The following DET1 variants were observed in gnomAD, a reference collection of about 807,000 sequenced individuals.
The protein encoded by DET1 is DET1 homolog.
Under a neutral mutation model 43.7 loss-of-function variants are expected in DET1, and 22 were observed. The observed-to-expected ratio is 0.50, with a 90% CI of 0.36 to 0.72. The LOEUF is 0.72. Among genes scored for constraint, DET1 ranks in the 30% least tolerant of loss-of-function variants. The pLI is 0.00. For missense variants in DET1, 713 were observed against 713.3 expected, an observed-to-expected ratio of 1.00 and a Z score of 0.00; for synonymous variants, 315 against 266.2, an observed-to-expected ratio of 1.18 and a Z score of -1.79.
intron 1 of DET1, among the ~76,000 whole-genome samples, chr15:88,539,771 T>G (rs2057055039): frequency 6.6e-6 from 1 of 152,216 alleles, no homozygotes; most frequent in Non-Finnish European, 1.5e-5. Flanking sequence ...TTCATCTGAT[T>G]GAAATCTCTG....
Position 88,531,038 on chromosome 15 carries a change from T to C in DET1, c.668A>G (p.Tyr223Cys). 1 of 1,613,680 alleles carries C rather than the reference T, an allele frequency of 6.2e-7. No homozygotes were observed. Among genetic ancestry groups the C allele is most frequent in the Non-Finnish European group, 8.5e-7 (1 of 1,179,726 alleles). Residue 223 changes from tyrosine (Y) to cysteine (C), a missense_variant, in exon 2 of 5, where the codon TAC becomes TGC. By Grantham distance (194) the Tyr-to-Cys change is radical. Coordinates refer to ENST00000268148, the MANE Select transcript of DET1 (RefSeq NM_001144074.3). The surrounding 1 kb of genome is among the most constrained non-coding windows in gnomAD (Gnocchi z 6.2). ...KVVLSHNQGLYLYKNILAILS... is the reference protein window; with the variant it reads ...KVVLSHNQGLCLYKNILAILS... ...GATGGCCAGGATGTTTTTGTACAAGTACAGCCCTTGGTTGTGTGACAAGAC... is the reference window on the plus strand; with the variant it reads ...GATGGCCAGGATGTTTTTGTACAAGCACAGCCCTTGGTTGTGTGACAAGAC...
chr15:88,539,339 G>A (rs1001967185), intron 1 of DET1, among the ~76,000 whole-genome samples: 1 of 151,734 alleles, frequency 6.6e-6, no homozygotes, highest in Non-Finnish European at 1.5e-5. Context: ...TCCAAGCCGG[G>A]GGTTTATACC....
upstream of DET1, chr15:88,546,687 C>G (rs1473529082): frequency 6.6e-6 from 1 of 152,312 alleles, no homozygotes; most frequent in Non-Finnish European, 1.5e-5. Context: ...GAACTGCGGC[C>G]CAGCAAAAAG....
rs146690592 is a variant in DET1 at position 88,507,135 on chromosome 15, C to T, written c.*2066-3148G>A. On this transcript the variant is annotated intron_variant and NMD_transcript_variant, in intron 7 of 8. Transcript: ENST00000557842. ...GCTCTCCTTCAGCTGTTGGAGTGCCCCAGTGCCTTGGATCCTCACCTCTTT... is the reference window on the plus strand; with the variant it reads ...GCTCTCCTTCAGCTGTTGGAGTGCCTCAGTGCCTTGGATCCTCACCTCTTT... Among the ~76,000 whole-genome samples, 166 of 152,256 alleles carry T rather than the reference C, an allele frequency of 1.1e-3. 1 individual carries two copies. The highest frequency in any genetic ancestry group is 3.4e-3 in the Middle Eastern group (1 of 294).
intron 1 of DET1, among the ~76,000 whole-genome samples, chr15:88,540,399 G>A (rs1353412219): frequency 6.6e-6 from 1 of 151,896 alleles, no homozygotes; most frequent in Non-Finnish European, 1.5e-5. Flanking sequence ...AGCCCCCCAG[G>A]GAGTGAGTTT....
intron 3 of DET1, among the ~76,000 whole-genome samples, chr15:88,525,436 A>T (rs1231113169): frequency 6.6e-6 from 1 of 152,208 alleles, no homozygotes; most frequent in Admixed American, 6.5e-5. Flanking sequence ...ATTTTGTTTA[A>T]TTCCAGATGT....
In DET1 at chr15:88,541,114, GAT is replaced by G. The variant is rs1289695940; in HGVS notation, c.-11+5424_-11+5425del. Among the ~76,000 whole-genome samples the G allele has an allele frequency of 8.8e-5, 9 of 102,210 alleles. No homozygotes were observed. In the South Asian group the frequency reaches 1.3e-3, roughly 14 times the overall value. The allele number at this position is 102,210 out of a possible 152,430, so 67.1% of individuals were successfully genotyped here. A position where few individuals can be genotyped will look rare whatever the true frequency, so the allele number is the denominator to read the frequency against. On this transcript the variant is annotated intron_variant, in intron 1 of 4. Coordinates refer to ENST00000268148, the MANE Select transcript of DET1 (RefSeq NM_001144074.3). ...CCCGATTGTATGCTCCATCTACTGA[GAT>G]AGGGAAAAACCGCCTTAGGGCTGGA... is the stretch of plus-strand genomic sequence containing the variant.
In DET1 at chr15:88,532,728, GA is replaced by G. The variant is rs368309856; in HGVS notation, c.-10-1014del. Among the ~76,000 whole-genome samples the G allele has an allele frequency of 1.3e-3, 191 of 152,252 alleles. 2 individuals are homozygous for G. The highest frequency in any genetic ancestry group is 4.0e-3 in the African/African-American group (166 of 41,554). The stretch of plus-strand genomic sequence containing the variant: ...TTCAACAAATGGTGTTGGGAAAACT[GA>G]ATAGCCACATGCAAAAGAATGAAGT... On this transcript the variant is annotated intron_variant, in intron 1 of 4. Transcript: ENST00000268148.
intron 1 of DET1, among the ~76,000 whole-genome samples, chr15:88,543,237 G>T (rs549660749): frequency 6.6e-6 from 1 of 152,304 alleles, no homozygotes; most frequent in African/African-American, 2.4e-5. Context: ...TATCTAAGAG[G>T]CTGGATCCTG....
At chr15:88,537,421 G>A (rs2056981757) in intron 1 of DET1, among the ~76,000 whole-genome samples, 1 of 152,068 alleles carries the variant, frequency 6.6e-6, no homozygotes, top group African/African-American at 2.4e-5. Context: ...TACCACCATG[G>A]ACCTCCCTGG....
intron 3 of DET1, among the ~76,000 whole-genome samples, chr15:88,522,279 T>A (rs2056511190): frequency 6.6e-6 from 1 of 152,156 alleles, no homozygotes; most frequent in South Asian, 2.1e-4. Flanking sequence ...AAATTCATGT[T>A]CTTCAGTCCT....
In DET1 at chr15:88,531,377, T is replaced by C; in HGVS notation, c.329A>G (p.Asp110Gly). 1 of 1,614,034 alleles carries C rather than the reference T, an allele frequency of 6.2e-7. No individual in the cohort carries two copies. Among genetic ancestry groups the C allele is most frequent in the Non-Finnish European group, 8.5e-7 (1 of 1,179,886 alleles). Residue 110 changes from aspartate to glycine, a missense_variant, in exon 2 of 5, where the codon GAC becomes GGC. Transcript: ENST00000268148. This position sits in a 1 kb window ranked among gnomAD's most constrained non-coding sequence, Gnocchi z 6.2. ...GCCCCGGATATTCACTGACCGCTGG[T>C]CATTGCCATTGGACAGGATTTCTCC... is the stretch of plus-strand genomic sequence containing the variant. ...YEGEILSNGN[D>G]QRSVNIRGRL... is the part of the protein sequence containing the mutation.
chr15:88,534,411 A>G (rs1447108228), intron 1 of DET1, among the ~76,000 whole-genome samples: 2 of 152,222 alleles, frequency 1.3e-5, no homozygotes, highest in South Asian at 2.1e-4. Context: ...ATGGGCAGTG[A>G]GGTTAACATT....
Position 88,531,115 on chromosome 15 carries a change from G to A in DET1, c.591C>T (p.Asp197=), listed in dbSNP as rs2056800696. 6.2e-7 allele frequency: 1 copy of A among 1,614,022 alleles called. No homozygotes were observed. Among genetic ancestry groups the A allele is most frequent in the Non-Finnish European group, 8.5e-7 (1 of 1,179,898 alleles). ...PLEDYSLHII[D]LHTGRLCDTR... ...TATCACATAAGCGGCCGGTGTGAAG[G>A]TCAATGATATGGAGGGAATAGTCTT... is the stretch of plus-strand genomic sequence containing the variant. The change falls in exon 2 of 5, where the codon GAC becomes GAT. Residue 197 remains aspartate, a synonymous_variant. Coordinates refer to ENST00000268148, the MANE Select transcript of DET1 (RefSeq NM_001144074.3). The surrounding 1 kb of genome is among the most constrained non-coding windows in gnomAD (Gnocchi z 6.2).
chr15:88,540,227 A>G lies in DET1; in HGVS notation c.-11+6313T>C, dbSNP rs528721636. Among the ~76,000 whole-genome samples, 86 of 152,260 alleles carry G rather than the reference A, an allele frequency of 5.6e-4. 1 individual carries two copies. The South Asian group carries it at 0.017, about 30-fold the overall frequency. On this transcript the variant is annotated intron_variant, in intron 1 of 4. Coordinates refer to ENST00000268148, the MANE Select transcript of DET1 (RefSeq NM_001144074.3). ...AAGGTATTTAGGGTACAGATCTAGA[A>G]GAAGAGGGAGAACGCCTAGATCCAA...
intron 3 of DET1, among the ~76,000 whole-genome samples, chr15:88,519,668 C>T (rs1342911555): frequency 6.6e-6 from 1 of 152,198 alleles, no homozygotes; most frequent in Admixed American, 6.5e-5. Context: ...CCGTTGCACA[C>T]ATCCTCAACA....
At chr15:88,545,145 C>A (rs773454846) in intron 1 of DET1, among the ~76,000 whole-genome samples, 1 of 152,056 alleles carries the variant, frequency 6.6e-6, no homozygotes, top group African/African-American at 2.4e-5. Flanking sequence ...TTCGGTAACT[C>A]GTGCTTCTCA....
chr15:88,522,009 A>G (rs1392400253), intron 3 of DET1, among the ~76,000 whole-genome samples: 2 of 152,028 alleles, frequency 1.3e-5, no homozygotes, highest in Non-Finnish European at 2.9e-5. Flanking sequence ...CTGCCAAGGT[A>G]CCAATGTGAC....
chr15:88,510,904 G>A (rs1167557415), downstream of DET1, among the ~76,000 whole-genome samples: 1 of 151,696 alleles, frequency 6.6e-6, no homozygotes, highest in Non-Finnish European at 1.5e-5. Flanking sequence ...CTCCAAAGTA[G>A]CTGGGACTAC....
Sources: gnomAD v4.1 joint callset for allele counts (sites outside exome capture counted in the v4.1 genomes callset) on GRCh38, gnomAD v4.1.1 for gene constraint, Gnocchi (gnomAD v3.1) non-coding constraint, MANE v1.5 for transcripts, NCBI Gene and HGNC (gene_info 2026-07-23, HGNC 2026-07-21) for gene names.